Variants in FAM47E observed in about 807,000 individuals in gnomAD.
FAM47E encodes protein FAM47E.
Under a neutral mutation model 41.6 loss-of-function variants are expected in FAM47E, and 32 were observed. The observed-to-expected ratio is 0.77, with a 90% CI of 0.58 to 1.03. FAM47E has a LOEUF of 1.03. FAM47E is among the 50% of genes least tolerant of loss of function. The probability of loss-of-function intolerance (pLI) is 0.00; values close to 1 mark genes in which losing one functional copy is unlikely to be tolerated. For missense variants in FAM47E, 424 were observed against 485.4 expected, an observed-to-expected ratio of 0.87 and a Z score of 1.19; for synonymous variants, 184 against 188.7, an observed-to-expected ratio of 0.98 and a Z score of 0.20.
intron 2 of FAM47E, among the ~76,000 whole-genome samples, chr4:76,262,373 T>C (rs1367022521): frequency 6.6e-6 from 1 of 152,234 alleles, no homozygotes; most frequent in Non-Finnish European, 1.5e-5. Context: ...CTATCTCTCT[T>C]ATACATTTTT....
At chr4:76,253,838 G>T (rs111921856) in intron 1 of FAM47E, among the ~76,000 whole-genome samples, 2,081 of 151,430 alleles carry the variant, frequency 0.014, 57 homozygotes, top group African/African-American at 0.045. Context: ...AAGAAATGAG[G>T]AAAGTGGCTC....
intron 5 of FAM47E, 67 bp downstream of exon 5, chr4:76,271,835 T>A (rs1734905075): frequency 6.7e-7 from 1 of 1,491,432 alleles, no homozygotes; most frequent in Admixed American, 2.4e-5. Flanking sequence ...CTTAAAGTTC[T>A]TGAATTCTGA....
chr4:76,257,626 C>A (rs1019303118), intron 2 of FAM47E, among the ~76,000 whole-genome samples: 7 of 152,176 alleles, frequency 4.6e-5, no homozygotes, highest in Non-Finnish European at 8.8e-5. Flanking sequence ...ACATTATGAG[C>A]ATGTCCAATT....
intron 4 of FAM47E, among the ~76,000 whole-genome samples, chr4:76,271,350 A>G (rs1734879238): frequency 6.6e-6 from 1 of 152,244 alleles, no homozygotes; most frequent in Non-Finnish European, 1.5e-5. Flanking sequence ...CCTCGGGCTC[A>G]TGATTTCCCT....
upstream of FAM47E, among the ~76,000 whole-genome samples, chr4:76,247,460 G>A (rs1433717915): frequency 2.0e-5 from 3 of 152,068 alleles, no homozygotes; most frequent in Non-Finnish European, 4.4e-5. Flanking sequence ...ACCTAAGAGT[G>A]GAATTGATGT....
rs868416380 is a variant in FAM47E, at chr4:76,278,189, C to T, written c.991C>T (p.Gln331Ter). 8 of 1,543,392 alleles carry T rather than the reference C, an allele frequency of 5.2e-6. 1 individual carries two copies. The Middle Eastern group carries it at 6.7e-4, about 130-fold the overall frequency. ...TGACCCTGAGGTCTCACATAAGGCTCAAGAGGAGAATTTTAAAAAGGAGCT... is the reference window on the plus strand; with the variant it reads ...TGACCCTGAGGTCTCACATAAGGCTTAAGAGGAGAATTTTAAAAAGGAGCT... ...LVDPEVSHKA[Q>*]EENFKKELQE... is the part of the protein sequence containing the mutation. Residue 331 changes from glutamine to a stop codon, truncating the protein, a stop_gained, in exon 6 of 8, where the codon CAA becomes TAA. Coordinates refer to ENST00000424749, the MANE Select transcript of FAM47E (RefSeq NM_001136570.3). LOFTEE classifies it high-confidence loss of function.
At chr4:76,233,634 A>G (rs893994070) in intron 2 of FAM47E, among the ~76,000 whole-genome samples, 5 of 152,098 alleles carry the variant, frequency 3.3e-5, no homozygotes, top group Non-Finnish European at 7.4e-5. Flanking sequence ...TAACACACAC[A>G]TATAACAGCC....
intron 7 of FAM47E, 58 bp downstream of exon 7, chr4:76,280,399 T>C: frequency 9.8e-7 from 1 of 1,019,936 alleles, no homozygotes; most frequent in South Asian, 1.5e-5. Flanking sequence ...TCACAGTTGT[T>C]GACGGGAAGA....
intron 3 of FAM47E, among the ~76,000 whole-genome samples, chr4:76,264,488 C>T (rs1182515120): frequency 6.6e-6 from 1 of 152,008 alleles, no homozygotes; most frequent in Non-Finnish European, 1.5e-5. Flanking sequence ...AAGCACCTCC[C>T]TTTTGTAACA....
At chr4:76,244,513 G>A (rs1272383516) in intron 2 of FAM47E, among the ~76,000 whole-genome samples, 1 of 117,766 alleles carries the variant, frequency 8.5e-6, no homozygotes. Context: ...TTTTTCATAT[G>A]TTTGTTTGCA....
intron 2 of FAM47E, among the ~76,000 whole-genome samples, chr4:76,233,129 C>G (rs1427611480): frequency 2.6e-5 from 4 of 152,206 alleles, no homozygotes; most frequent in Non-Finnish European, 4.4e-5. Context: ...GCATGTAAAT[C>G]TATTTCCAGT....
intron 3 of FAM47E, among the ~76,000 whole-genome samples, chr4:76,266,940 C>G (rs1319891516): frequency 2.6e-5 from 4 of 152,162 alleles, no homozygotes; most frequent in African/African-American, 9.7e-5. Context: ...CCCCTTTCTT[C>G]TTTTGGGTCT....
At chr4:76,236,710 C>G (rs945796201) in intron 2 of FAM47E, 22 of 151,414 alleles carry the variant, frequency 1.5e-4, no homozygotes, top group African/African-American at 5.1e-4. Flanking sequence ...GGGTCAGGGG[C>G]TTCTTATAGG....
intron 4 of FAM47E, among the ~76,000 whole-genome samples, chr4:76,271,235 T>G (rs3821980): frequency 0.36 from 54,391 of 151,954 alleles, 10,298 homozygotes; most frequent in Admixed American, 0.42. Flanking sequence ...ACAGAGTTAT[T>G]GGCAGAGAAA....
chr4:76,231,538 A>T (rs1425537332), intron 2 of FAM47E, among the ~76,000 whole-genome samples: 1 of 152,236 alleles, frequency 6.6e-6, no homozygotes, highest in East Asian at 1.9e-4. Context: ...AAACAAACAA[A>T]CAAACAAATC....
chr4:76,236,880 A>C (rs1330624973), intron 2 of FAM47E, among the ~76,000 whole-genome samples: 1 of 151,398 alleles, frequency 6.6e-6, no homozygotes, highest in East Asian at 1.9e-4. Context: ...AGGTTGTAAA[A>C]TATGTTTCTT....
chr4:76,238,334 G>T, intron 2 of FAM47E, among the ~76,000 whole-genome samples: 1 of 152,178 alleles, frequency 6.6e-6, no homozygotes, highest in Non-Finnish European at 1.5e-5. Flanking sequence ...CTTCCCTGTT[G>T]AATTTTGATC....
At chr4:76,243,757 G>C (rs994686028) in intron 2 of FAM47E, among the ~76,000 whole-genome samples, 7 of 151,936 alleles carry the variant, frequency 4.6e-5, no homozygotes, top group African/African-American at 1.7e-4. Flanking sequence ...TTAAGTTTTA[G>C]GTTTGTTTAA....
intron 2 of FAM47E, among the ~76,000 whole-genome samples, chr4:76,245,200 A>G (rs1156432481): frequency 6.6e-6 from 1 of 152,018 alleles, no homozygotes; most frequent in East Asian, 1.9e-4. Flanking sequence ...AGTCATAAGT[A>G]ACATACGTAT....
Sources: gnomAD v4.1 joint callset for allele counts (sites outside exome capture counted in the v4.1 genomes callset) on GRCh38, gnomAD v4.1.1 for gene constraint, MANE v1.5 for transcripts, NCBI Gene and HGNC (gene_info 2026-07-23, HGNC 2026-07-21) for gene names.